The following MAGI2 variants were observed in gnomAD, a reference collection of about 807,000 sequenced individuals.
The protein encoded by MAGI2 is membrane-associated guanylate kinase, WW and PDZ domain-containing protein 2.
In MAGI2, 35 loss-of-function variants were observed where a neutral mutation model predicts 133.3. The observed-to-expected ratio is 0.26, with a 90% CI of 0.20 to 0.35. MAGI2 has a LOEUF of 0.35. Ranked by LOEUF, MAGI2 falls within the 10% of genes least tolerant of loss-of-function variation. The pLI is 1.00. For missense variants in MAGI2, 1,636 were observed against 1,863.4 expected, an observed-to-expected ratio of 0.88 and a Z score of 2.25; for synonymous variants, 729 against 710.6, an observed-to-expected ratio of 1.03 and a Z score of -0.41.
intron 1 of MAGI2, among the ~76,000 whole-genome samples, chr7:79,018,855 T>A (rs1405205111): frequency 6.6e-6 from 1 of 152,084 alleles, no homozygotes; most frequent in Non-Finnish European, 1.5e-5. Flanking sequence ...CCTAAATATA[T>A]ACACACAGAG....
At position 78,377,125 on chromosome 7, in the gene MAGI2, A is replaced by AT. The variant is rs1443211672; in HGVS notation, c.1046-7913dup. ...TTATAGTGTAAAGGCTGATATATAG[A>AT]TTTTAACCTCTCTACTTACCCCTTA... On this transcript the variant is annotated intron_variant, in intron 6 of 21. Coordinates refer to ENST00000354212, the MANE Select transcript of MAGI2 (RefSeq NM_012301.4). Among the ~76,000 whole-genome samples the AT allele has an allele frequency of 6.6e-5, 10 of 152,266 alleles. No individual in the cohort carries two copies. The East Asian group carries it at 1.9e-3, about 29-fold the overall frequency.
At chr7:79,156,997 G>A (rs1354798383) in intron 1 of MAGI2, among the ~76,000 whole-genome samples, 4 of 151,918 alleles carry the variant, frequency 2.6e-5, no homozygotes, top group Admixed American at 2.0e-4. Flanking sequence ...AACTCCCTTC[G>A]GTTGACAGTC....
At chr7:79,129,372 T>A (rs759386297) in intron 1 of MAGI2, among the ~76,000 whole-genome samples, 39 of 152,200 alleles carry the variant, frequency 2.6e-4, no homozygotes, top group Non-Finnish European at 7.3e-5. Context: ...CCTCATAAAT[T>A]GGGAACTGTC....
chr7:78,087,547 G>A (rs1049529865), intron 20 of MAGI2, among the ~76,000 whole-genome samples: 3 of 152,160 alleles, frequency 2.0e-5, no homozygotes, highest in Admixed American at 6.5e-5. Context: ...GGAGAGAAGC[G>A]GTTGAGCTTC....
chr7:78,179,453 G>A (rs1230755789), intron 13 of MAGI2, among the ~76,000 whole-genome samples: 2 of 152,180 alleles, frequency 1.3e-5, no homozygotes, highest in African/African-American at 2.4e-5. Context: ...GGCTTGCCTT[G>A]GTGCCCAACA....
chr7:79,273,604 G>C (rs1835030513), intron 1 of MAGI2, among the ~76,000 whole-genome samples: 1 of 151,372 alleles, frequency 6.6e-6, no homozygotes, highest in African/African-American at 2.4e-5. Context: ...CCAGAATTTT[G>C]TTTCTTTTTT....
intron 6 of MAGI2, among the ~76,000 whole-genome samples, chr7:78,391,532 G>T (rs1366378477): frequency 6.6e-6 from 1 of 152,116 alleles, no homozygotes; most frequent in Non-Finnish European, 1.5e-5. Flanking sequence ...TGAGGAATAG[G>T]CATCTATTTT....
rs537113993 is a variant in MAGI2 at position 78,982,367 on chromosome 7, A to G, written c.418+24723T>C. ...ATGATAAAGTTTGGACCCATACTTT[A>G]GGTTTATAGTGGTAATTAAATGGGA... On this transcript the variant is annotated intron_variant, in intron 2 of 21. Coordinates refer to ENST00000354212, the MANE Select transcript of MAGI2 (RefSeq NM_012301.4). Among the ~76,000 whole-genome samples, 311 of 152,046 alleles carry G rather than the reference A, an allele frequency of 2.0e-3. 1 individual carries two copies. The highest frequency in any genetic ancestry group is 7.1e-3 in the African/African-American group (294 of 41,538).
intron 1 of MAGI2, chr7:79,354,372 G>C (rs1841881858): frequency 6.6e-6 from 1 of 152,400 alleles, no homozygotes; most frequent in South Asian, 2.1e-4. Flanking sequence ...TGGTTCCACT[G>C]TTCCCCTCAC....
At chr7:78,328,530 C>CACACA (rs10525463) in intron 9 of MAGI2, among the ~76,000 whole-genome samples, 11 of 124,782 alleles carry the variant, frequency 8.8e-5, no homozygotes, top group African/African-American at 1.6e-4. Flanking sequence ...CACACACACA[C>CACACA]CCCTCTCTCT....
At chr7:78,477,310 A>G (rs1476580767) in intron 6 of MAGI2, among the ~76,000 whole-genome samples, 1 of 152,026 alleles carries the variant, frequency 6.6e-6, no homozygotes, top group Non-Finnish European at 1.5e-5. Context: ...GAAGGCATAG[A>G]AAACAACAGA....
intron 1 of MAGI2, among the ~76,000 whole-genome samples, chr7:79,081,962 G>A (rs1027935887): frequency 2.0e-5 from 3 of 152,026 alleles, no homozygotes; most frequent in Non-Finnish European, 4.4e-5. Context: ...GTTTTCTGTT[G>A]ACATACATTT....
intron 5 of MAGI2, among the ~76,000 whole-genome samples, chr7:78,495,779 A>G (rs1406232593): frequency 9.2e-5 from 14 of 152,230 alleles, no homozygotes; most frequent in Non-Finnish European, 2.9e-5. Flanking sequence ...AAGTTTCATT[A>G]CAAATATTGT....
rs185379378 is a variant in MAGI2, at chr7:78,731,168, A to T, written c.419-103929T>A. Among the ~76,000 whole-genome samples the T allele has an allele frequency of 2.2e-3, 330 of 152,232 alleles. 1 individual carries two copies. The highest frequency in any genetic ancestry group is 0.017 in the Middle Eastern group (5 of 294). ...CATTGAAGTCTTTTTTAGGTAGCAT[A>T]TTTCTGAGCACTTACAAATAAGAGT... On this transcript the variant is annotated intron_variant, in intron 2 of 21. Transcript: ENST00000354212.
chr7:79,237,952 C>T (rs987608285), intron 1 of MAGI2, among the ~76,000 whole-genome samples: 6 of 152,048 alleles, frequency 3.9e-5, no homozygotes, highest in South Asian at 2.1e-4. Context: ...AGCTCTGAGA[C>T]GATCCTGAAA....
intron 5 of MAGI2, among the ~76,000 whole-genome samples, chr7:78,491,647 T>A (rs1203099450): frequency 6.6e-6 from 1 of 152,036 alleles, no homozygotes; most frequent in Non-Finnish European, 1.5e-5. Context: ...TTATCAAGTT[T>A]TAGAAGGATA....
At chr7:79,294,083 C>A (rs994824297) in intron 1 of MAGI2, among the ~76,000 whole-genome samples, 2 of 145,976 alleles carry the variant, frequency 1.4e-5, no homozygotes, top group African/African-American at 5.1e-5. Flanking sequence ...GAGGCTGAGG[C>A]AAAAGAGTTG....
intron 21 of MAGI2, among the ~76,000 whole-genome samples, chr7:78,034,166 TTTGAAG>T (rs1254626081): frequency 6.6e-6 from 1 of 152,166 alleles, no homozygotes; most frequent in Non-Finnish European, 1.5e-5. Context: ...AGGTGCTGTG[TTTGAAG>T]TTTAATTTGT....
chr7:79,060,069 G>C (rs1462946144), intron 1 of MAGI2, among the ~76,000 whole-genome samples: 2 of 152,052 alleles, frequency 1.3e-5, no homozygotes, highest in African/African-American at 4.8e-5. Context: ...ATCAGCTAAG[G>C]AGAAGAAATC....
Sources: gnomAD v4.1 joint callset for allele counts (sites outside exome capture counted in the v4.1 genomes callset) on GRCh38, gnomAD v4.1.1 for gene constraint, MANE v1.5 for transcripts, NCBI Gene and HGNC (gene_info 2026-07-23, HGNC 2026-07-21) for gene names.